The following DDAH1 variants were observed in gnomAD, a reference collection of about 807,000 sequenced individuals.
DDAH1 encodes the protein dimethylarginine dimethylaminohydrolase 1, also known as N(G),N(G)-dimethylarginine dimethylaminohydrolase 1.
A neutral mutation model predicts 28.8 loss-of-function variants in DDAH1; 19 were observed. That is an observed-to-expected ratio of 0.66 (90% CI 0.46 to 0.97). DDAH1 has a LOEUF of 0.97. Among genes scored for constraint, DDAH1 ranks in the 50% least tolerant of loss-of-function variants. The pLI is 0.00. For synonymous variants in DDAH1, 153 were observed against 154.4 expected (o/e 0.99, Z 0.07); for missense variants, 326 against 375.9 (o/e 0.87, Z 1.10).
intron 1 of DDAH1, chr1:85,376,884 C>A (rs1650703390): frequency 6.6e-6 from 1 of 150,622 alleles, no homozygotes; most frequent in Admixed American, 6.6e-5. Flanking sequence ...TAAGTAATAG[C>A]CCCAATACAA....
chr1:85,478,000 A>G (rs1655860218), intron 2 of DDAH1, among the ~76,000 whole-genome samples: 1 of 152,196 alleles, frequency 6.6e-6, no homozygotes, highest in East Asian at 1.9e-4. Context: ...AAAATCTCCT[A>G]ATCTCAGTTT....
At chr1:85,489,406 A>G (rs1656307990) in intron 2 of DDAH1, among the ~76,000 whole-genome samples, 1 of 152,206 alleles carries the variant, frequency 6.6e-6, no homozygotes, top group South Asian at 2.1e-4. Context: ...TAGGGTTTCA[A>G]GCCTAGGTGA....
chr1:85,554,384 A>G (rs2100798101), intron 1 of DDAH1, among the ~76,000 whole-genome samples: 1 of 150,164 alleles, frequency 6.7e-6, no homozygotes, highest in Middle Eastern at 3.5e-3. Context: ...TTCTTATTCA[A>G]TGAATATTTT....
At chr1:85,449,376 A>G (rs1306439727) in intron 1 of DDAH1, among the ~76,000 whole-genome samples, 1 of 152,202 alleles carries the variant, frequency 6.6e-6, no homozygotes, top group African/African-American at 2.4e-5. Flanking sequence ...TAGGAAACCA[A>G]CAAAAGGGGT....
intron 1 of DDAH1, among the ~76,000 whole-genome samples, chr1:85,561,506 T>C (rs1659140431): frequency 6.6e-6 from 1 of 152,090 alleles, no homozygotes; most frequent in Non-Finnish European, 1.5e-5. Flanking sequence ...GACATGATGC[T>C]AAATGTCTCT....
intron 1 of DDAH1, among the ~76,000 whole-genome samples, chr1:85,437,570 TTATTA>T (rs1653997534): frequency 6.6e-6 from 1 of 152,198 alleles, no homozygotes; most frequent in Non-Finnish European, 1.5e-5. Context: ...CTAACTTACT[TTATTA>T]TAAGATTAAA....
chr1:85,347,237 AC>A (rs1434921005), intron 4 of DDAH1, among the ~76,000 whole-genome samples: 1 of 152,216 alleles, frequency 6.6e-6, no homozygotes, highest in Admixed American at 6.5e-5. Context: ...AACTAGAAAT[AC>A]CATTTGACCC....
At chr1:85,493,214 G>A (rs1027783210) in intron 2 of DDAH1, among the ~76,000 whole-genome samples, 1 of 151,674 alleles carries the variant, frequency 6.6e-6, no homozygotes, top group South Asian at 2.1e-4. Flanking sequence ...TAAAAGTATT[G>A]TGGGCCCCAG....
intron 1 of DDAH1, among the ~76,000 whole-genome samples, chr1:85,418,562 A>G (rs1414341098): frequency 6.6e-6 from 1 of 152,208 alleles, no homozygotes; most frequent in Non-Finnish European, 1.5e-5. Flanking sequence ...ATCACATTTC[A>G]TTGGTATTTA....
rs747197067 is a variant in DDAH1, at chr1:85,358,864, G to A, written c.304-17C>T. 6.5e-7 allele frequency: 1 copy of A among 1,539,326 alleles called. No individual in the cohort carries two copies. Among genetic ancestry groups the A allele is most frequent in the African/African-American group, 1.4e-5 (1 of 72,276 alleles). On this transcript the variant is annotated splice_polypyrimidine_tract_variant and intron_variant, in intron 1 of 5. Coordinates refer to ENST00000284031, the MANE Select transcript of DDAH1 (RefSeq NM_012137.4). The stretch of plus-strand genomic sequence containing the variant: ...CATGTCAACCTGTTGAAAATAAAAT[G>A]ATTCAGATTACTATGCTACAATTTC...
At chr1:85,531,046 G>A (rs1294851645) in intron 1 of DDAH1, among the ~76,000 whole-genome samples, 9 of 144,426 alleles carry the variant, frequency 6.2e-5, no homozygotes, top group South Asian at 2.2e-4. Flanking sequence ...ATATATTAGC[G>A]TATCAAAGAA....
At chr1:85,564,227 A>G (rs1557765196) in intron 1 of DDAH1, among the ~76,000 whole-genome samples, 1 of 152,154 alleles carries the variant, frequency 6.6e-6, no homozygotes, top group Non-Finnish European at 1.5e-5. Context: ...AAAAAAATAT[A>G]TATAATAAAT....
chr1:85,425,254 A>AT (rs1557613960), intron 1 of DDAH1, among the ~76,000 whole-genome samples: 1 of 151,552 alleles, frequency 6.6e-6, no homozygotes, highest in African/African-American at 2.4e-5. Context: ...TTCTTTTTTT[A>AT]TTTTTCTTTC....
At chr1:85,342,980 CTT>C (rs1468094652) in intron 4 of DDAH1, among the ~76,000 whole-genome samples, 1 of 152,186 alleles carries the variant, frequency 6.6e-6, no homozygotes, top group Non-Finnish European at 1.5e-5. Context: ...TTTAAGGTCA[CTT>C]ATAGACTTTT....
chr1:85,540,057 ATC>A (rs996716883), intron 1 of DDAH1, among the ~76,000 whole-genome samples: 2 of 152,120 alleles, frequency 1.3e-5, no homozygotes, highest in African/African-American at 4.8e-5. Context: ...TGATTCAATA[ATC>A]TCTTTTTAAT....
At chr1:85,361,105 T>G (rs1270417862) in intron 1 of DDAH1, among the ~76,000 whole-genome samples, 1 of 152,046 alleles carries the variant, frequency 6.6e-6, no homozygotes, top group Non-Finnish European at 1.5e-5. Flanking sequence ...CTGAGGGAGA[T>G]TTCTGGAGAA....
At chr1:85,344,831 A>C (rs1458533346) in intron 4 of DDAH1, among the ~76,000 whole-genome samples, 2 of 152,094 alleles carry the variant, frequency 1.3e-5, no homozygotes, top group Admixed American at 6.6e-5. Flanking sequence ...TGTGGTATAG[A>C]TTTACTCTTT....
At chr1:85,351,625 C>G (rs955119034) in intron 2 of DDAH1, 46 bp from the exon 3 acceptor site, 9 of 1,367,518 alleles carry the variant, frequency 6.6e-6, no homozygotes, top group Non-Finnish European at 9.4e-6. Context: ...GCACCAGTGA[C>G]TGTACATCAT....
intron 4 of DDAH1, among the ~76,000 whole-genome samples, chr1:85,346,565 G>A (rs887031712): frequency 1.4e-4 from 21 of 152,142 alleles, no homozygotes; most frequent in African/African-American, 4.1e-4. Flanking sequence ...ACTTGTTTCT[G>A]GAACTGTAAG....
Sources: gnomAD v4.1 joint callset for allele counts (sites outside exome capture counted in the v4.1 genomes callset) on GRCh38, gnomAD v4.1.1 for gene constraint, MANE v1.5 for transcripts, NCBI Gene and HGNC (gene_info 2026-07-23, HGNC 2026-07-21) for gene names.